TOPBP1: variants seen among roughly 807,000 people sequenced by gnomAD.
TOPBP1 encodes DNA topoisomerase 2-binding protein 1.
In TOPBP1, 28 loss-of-function variants were observed where a neutral mutation model predicts 167.7. That is an observed-to-expected ratio of 0.17 (90% CI 0.12 to 0.23). TOPBP1 has a LOEUF of 0.23. Ranked by LOEUF, TOPBP1 falls within the 10% of genes least tolerant of loss-of-function variation. TOPBP1 has a pLI of 1.00. For missense variants in TOPBP1, 1,554 were observed against 1,809.6 expected (o/e 0.86, Z 2.56); for synonymous variants, 598 against 611.4 (o/e 0.98, Z 0.32).
chr3:133,654,782 G>A (rs185630218), intron 6 of TOPBP1, among the ~76,000 whole-genome samples: 144 of 152,088 alleles, frequency 9.5e-4, no homozygotes, highest in African/African-American at 3.2e-3. Flanking sequence ...CTCATGTGCC[G>A]CAAGGTGTGT....
intron 19 of TOPBP1, among the ~76,000 whole-genome samples, chr3:133,621,996 GGAAAGGGAAA>G (rs1387663544): frequency 1.3e-5 from 2 of 149,732 alleles, no homozygotes; most frequent in Non-Finnish European, 3.0e-5. Flanking sequence ...GAAGAAAGAA[GGAAAGGGAAA>G]GGAAGGGAAG....
chr3:133,617,853 C>T (rs1015395887), intron 21 of TOPBP1, among the ~76,000 whole-genome samples: 1 of 152,030 alleles, frequency 6.6e-6, no homozygotes, highest in Non-Finnish European at 1.5e-5. Flanking sequence ...TAGGTATGTG[C>T]TAGGCAGAAT....
chr3:133,624,107 T>C lies in TOPBP1; in HGVS notation c.2873A>G (p.Tyr958Cys), dbSNP rs772713664. 1 of 1,613,898 alleles carries C rather than the reference T, an allele frequency of 6.2e-7. No homozygotes were observed. The highest frequency in any genetic ancestry group is 2.2e-5 in the East Asian group (1 of 44,866). ...TACTCCTCTTTCTTTTACAGATTTA[T>C]ACTCCCGATTAGTGTCATTTGGCCG... ...QGRPNDTNRE[Y>C]KSVKERGVHI... Residue 958 changes from tyrosine (Y) to cysteine (C), a missense_variant, in exon 17 of 28, where the codon TAT (tyrosine) becomes TGT (cysteine). Physicochemically the swap from Tyr to Cys is radical, Grantham distance 194. Coordinates refer to ENST00000260810, the MANE Select transcript of TOPBP1 (RefSeq NM_007027.4).
chr3:133,651,196 T>A (rs1310788881), intron 8 of TOPBP1, among the ~76,000 whole-genome samples: 3 of 96,188 alleles, frequency 3.1e-5, no homozygotes, highest in Admixed American at 2.2e-4. Context: ...TTTTTTTTTT[T>A]AAATTTTGAG....
At chr3:133,653,126 C>T (rs1453605071) in intron 7 of TOPBP1, among the ~76,000 whole-genome samples, 4 of 152,134 alleles carry the variant, frequency 2.6e-5, no homozygotes, top group African/African-American at 9.7e-5. Flanking sequence ...TTTTGCATTA[C>T]AACAGAGTAT....
chr3:133,633,884 A>C (rs1337916109), intron 14 of TOPBP1, among the ~76,000 whole-genome samples: 1 of 152,198 alleles, frequency 6.6e-6, no homozygotes, highest in Non-Finnish European at 1.5e-5. Context: ...CATTACCTAC[A>C]AACTCAGAAC....
chr3:133,610,992 G>A lies in TOPBP1; in HGVS notation c.4173+12C>T, dbSNP rs779503139. On this transcript the variant is annotated intron_variant, in intron 25 of 27. Transcript: ENST00000260810. ...TGCTATTTGTATTACCTATATAATT[G>A]TGTTTTAATACCTCAACAATGCCAG... 4 of 1,606,340 alleles carry A rather than the reference G, an allele frequency of 2.5e-6. No individual in the cohort carries two copies. The highest frequency in any genetic ancestry group is 3.4e-6 in the Non-Finnish European group (4 of 1,175,668).
chr3:133,648,308 G>A, intron 10 of TOPBP1, among the ~76,000 whole-genome samples: 1 of 152,154 alleles, frequency 6.6e-6, no homozygotes, highest in Non-Finnish European at 1.5e-5. Context: ...CCAAAAGAGA[G>A]GTCTCAGATG....
Position 133,644,314 on chromosome 3 carries a change from A to C in TOPBP1, c.1554T>G (p.Ala518=), listed in dbSNP as rs1936003142. ...EARPFNDSTH[A]EPLNDSTHIS... is the part of the protein sequence containing the mutation. ...TGTGAGTAGAATCATTCAAGGGCTC[A>C]GCATGAGTAGAATCATTAAAGGGCC... Residue 518 remains alanine (A), a synonymous_variant, in exon 11 of 28, where the codon GCT becomes GCG. Transcript: ENST00000260810. 1 of 1,608,384 alleles carries C rather than the reference A, an allele frequency of 6.2e-7. No individual in the cohort carries two copies. The highest frequency in any genetic ancestry group is 1.3e-5 in the African/African-American group (1 of 74,520).
chr3:133,658,948 T>A, intron 3 of TOPBP1, 68 bp downstream of exon 3: 1 of 1,476,232 alleles, frequency 6.8e-7, no homozygotes, highest in Non-Finnish European at 9.0e-7. Flanking sequence ...GCAAAGAATG[T>A]ATGTCCATTA....
In TOPBP1 at chr3:133,652,580, G is replaced by A. The variant is rs748945735; in HGVS notation, c.972C>T (p.Cys324=). The stretch of plus-strand genomic sequence containing the variant: ...GTGAATTACATATTGATTCACTTAC[G>A]CAACTTGCATTTATGTTGGAAATAT... ...VSNISNINAS[C]VSESICNSLN... is the part of the protein sequence containing the mutation. Residue 324 remains cysteine (C), a synonymous_variant, in exon 8 of 28, where the codon TGC becomes TGT. Coordinates refer to ENST00000260810, the MANE Select transcript of TOPBP1 (RefSeq NM_007027.4). 2.3e-5 allele frequency: 37 copies of A among 1,611,042 alleles called. No homozygotes were observed. Among genetic ancestry groups the A allele is most frequent in the Non-Finnish European group, 2.8e-5 (33 of 1,179,544 alleles).
At chr3:133,657,422 CCCAGGCTGCAGTGCAG>C (rs1272454966) in intron 4 of TOPBP1, among the ~76,000 whole-genome samples, 6 of 150,394 alleles carry the variant, frequency 4.0e-5, no homozygotes, top group African/African-American at 1.5e-4. Context: ...TGCTCTGTCA[CCCAGGCTGCAGTGCAG>C]TGGCGTGATG....
chr3:133,627,692 C>T (rs1264060100), intron 16 of TOPBP1, among the ~76,000 whole-genome samples: 2 of 152,064 alleles, frequency 1.3e-5, no homozygotes, highest in African/African-American at 4.8e-5. Context: ...AATGGCTGAA[C>T]ACAAGTTATC....
chr3:133,635,515 CA>C (rs1319615067), intron 14 of TOPBP1, among the ~76,000 whole-genome samples: 2 of 152,190 alleles, frequency 1.3e-5, no homozygotes, highest in Non-Finnish European at 2.9e-5. Context: ...CTCAGCCTCC[CA>C]AAATGCTGGG....
chr3:133,634,515 T>TAAA (rs201255287), intron 14 of TOPBP1, among the ~76,000 whole-genome samples: 5 of 148,228 alleles, frequency 3.4e-5, no homozygotes, highest in East Asian at 2.0e-4. Flanking sequence ...GACTCTGTCT[T>TAAA]AAAAAAAAAA....
intron 4 of TOPBP1, among the ~76,000 whole-genome samples, chr3:133,657,496 C>CTT (rs11415856): frequency 6.6e-6 from 1 of 150,750 alleles, no homozygotes. Context: ...ATTTAGAATC[C>CTT]TTTTTTTTAA....
At chr3:133,615,065 G>C (rs1244942116) in intron 23 of TOPBP1, among the ~76,000 whole-genome samples, 2 of 147,452 alleles carry the variant, frequency 1.4e-5, no homozygotes, top group African/African-American at 2.5e-5. Flanking sequence ...AACTGTATTT[G>C]ACATAAATCT....
intron 11 of TOPBP1, 51 bp downstream of exon 11, chr3:133,643,969 G>A: frequency 6.8e-7 from 1 of 1,474,310 alleles, no homozygotes; most frequent in Middle Eastern, 1.8e-4. Flanking sequence ...TAACCTTCTT[G>A]GCATTCAGAT....
chr3:133,628,769 GAA>G, intron 14 of TOPBP1, 36 bp from the exon 15 acceptor site: 1 of 1,542,912 alleles, frequency 6.5e-7, no homozygotes, highest in East Asian at 2.5e-5. Flanking sequence ...ATGGAGAAAA[GAA>G]GAGAGAGAGA....
Sources: allele counts gnomAD v4.1 joint callset (sites outside exome capture counted in the v4.1 genomes callset), GRCh38; gene constraint gnomAD v4.1.1; transcripts MANE v1.5; gene names NCBI Gene and HGNC (gene_info 2026-07-23, HGNC 2026-07-21).